Variants in DCHS2 observed in about 807,000 individuals in gnomAD.
The protein encoded by DCHS2 is dachsous cadherin-related 2.
DCHS2 carries 142 observed loss-of-function variants against 182.4 expected under a neutral mutation model. That is an observed-to-expected ratio of 0.78 (90% CI 0.68 to 0.89). The LOEUF (loss-of-function observed/expected upper bound fraction) is 0.89. DCHS2 is among the 40% of genes least tolerant of loss of function. DCHS2 has a pLI of 0.00. For synonymous variants in DCHS2, 1,740 were observed against 1,663.3 expected (o/e 1.05, Z -1.12); for missense variants, 4,319 against 4,198.6 (o/e 1.03, Z -0.79).
At chr4:154,394,090 G>A (rs569113036) in intron 1 of DCHS2, among the ~76,000 whole-genome samples, 11 of 152,216 alleles carry the variant, frequency 7.2e-5, no homozygotes, top group Non-Finnish European at 1.3e-4. Context: ...GTAAAGAGGA[G>A]GTGTGGAGCG....
Position 154,408,135 on chromosome 4 carries a change from T to C in DCHS2, c.2053-30691A>G, listed in dbSNP as rs1277742831. ...ATGAGAAAGTTAATACTAATATAACTTTAAAATTAACTTCTCAATACCTAT... is the reference window on the plus strand; with the variant it reads ...ATGAGAAAGTTAATACTAATATAACCTTAAAATTAACTTCTCAATACCTAT... On this transcript the variant is annotated intron_variant, in intron 1 of 19. Transcript: ENST00000357232. Among the ~76,000 whole-genome samples the C allele has an allele frequency of 2.6e-5, 4 of 152,216 alleles. No homozygotes were observed. The East Asian group carries it at 7.7e-4, about 29-fold the overall frequency.
chr4:154,475,490 C>T (rs1470884964), intron 1 of DCHS2, among the ~76,000 whole-genome samples: 2 of 152,012 alleles, frequency 1.3e-5, no homozygotes, highest in African/African-American at 4.8e-5. Context: ...TTAGTACAGC[C>T]GTATCTTAAA....
intron 1 of DCHS2, among the ~76,000 whole-genome samples, chr4:154,455,056 C>T (rs1317987556): frequency 1.3e-5 from 2 of 152,188 alleles, no homozygotes; most frequent in Non-Finnish European, 2.9e-5. Flanking sequence ...AAGAAAAATG[C>T]ACATATAAAC....
chr4:154,335,465 T>C (rs775941719), intron 3 of DCHS2, among the ~76,000 whole-genome samples: 7 of 152,196 alleles, frequency 4.6e-5, no homozygotes, highest in Non-Finnish European at 7.3e-5. Flanking sequence ...GATAGAAGCA[T>C]TGGCTCTTCC....
chr4:154,411,893 A>G (rs111450012), intron 1 of DCHS2, among the ~76,000 whole-genome samples: 319 of 152,362 alleles, frequency 2.1e-3, no homozygotes, highest in African/African-American at 7.3e-3. Context: ...TTATTTATAG[A>G]AATAAAGAAA....
At chr4:154,344,147 T>C (rs1729246536) in intron 3 of DCHS2, among the ~76,000 whole-genome samples, 1 of 152,088 alleles carries the variant, frequency 6.6e-6, no homozygotes, top group African/African-American at 2.4e-5. Flanking sequence ...GTTTGTGGCA[T>C]CCCCAAACAA....
intron 3 of DCHS2, among the ~76,000 whole-genome samples, chr4:154,341,459 C>CA (rs1426641820): frequency 1.3e-5 from 2 of 151,800 alleles, no homozygotes; most frequent in Non-Finnish European, 2.9e-5. Flanking sequence ...TCTGAAATCT[C>CA]AGTTTTCCGC....
At chr4:154,326,918 C>T (rs937969024) in intron 7 of DCHS2, among the ~76,000 whole-genome samples, 1 of 152,124 alleles carries the variant, frequency 6.6e-6, no homozygotes, top group Admixed American at 6.6e-5. Flanking sequence ...ATCAAAGCCT[C>T]ATTGAACATT....
At chr4:154,330,524 T>C (rs1391789330) in intron 5 of DCHS2, among the ~76,000 whole-genome samples, 1 of 152,112 alleles carries the variant, frequency 6.6e-6, no homozygotes, top group African/African-American at 2.4e-5. Flanking sequence ...AAGCACTCGG[T>C]CCAATAGCCT....
chr4:154,242,677 G>C lies in DCHS2; in HGVS notation c.7037C>G (p.Ala2346Gly), dbSNP rs147944468. Residue 2346 changes from alanine (A) to glycine (G), a missense_variant, in exon 17 of 20, where the codon GCT becomes GGT. Physicochemically the swap from Ala to Gly is moderately conservative, Grantham distance 60. Transcript: ENST00000357232. ...TTCCACTGCTTCAGAGGGGAGAAAA[G>C]CTGGGGCATTGTCATTTATATCAGT... ...QVTDINDNAP[A>G]FLPSEAVEIT... The C allele has an allele frequency of 5.4e-5, 87 of 1,612,896 alleles. No homozygotes were observed. In the African/African-American group the frequency reaches 7.5e-4, roughly 14 times the overall value.
intron 1 of DCHS2, among the ~76,000 whole-genome samples, chr4:154,460,049 A>G (rs192115709): frequency 5.2e-4 from 79 of 152,250 alleles, no homozygotes; most frequent in African/African-American, 1.7e-3. Context: ...TTGTACACAG[A>G]TCACTGGTAC....
At chr4:154,343,526 A>T in intron 3 of DCHS2, 1 of 1,519,886 alleles carries the variant, frequency 6.6e-7, no homozygotes, top group East Asian at 2.5e-5. Flanking sequence ...CTCCATCAGC[A>T]CTTGCTGCTT....
chr4:154,436,956 C>A (rs146122895), intron 1 of DCHS2, among the ~76,000 whole-genome samples: 3 of 152,250 alleles, frequency 2.0e-5, no homozygotes, highest in African/African-American at 7.2e-5. Flanking sequence ...TATAGTATTA[C>A]AATTAATTTC....
chr4:154,326,087 A>G (rs1407447048), intron 7 of DCHS2, among the ~76,000 whole-genome samples: 2 of 152,262 alleles, frequency 1.3e-5, no homozygotes, highest in East Asian at 3.8e-4. Flanking sequence ...CACTCTGCAC[A>G]TATAGAGTTC....
At chr4:154,258,367 CTTTT>C (rs771510956) in intron 15 of DCHS2, among the ~76,000 whole-genome samples, 4 of 58,838 alleles carry the variant, frequency 6.8e-5, no homozygotes, top group Non-Finnish European at 8.6e-5. Context: ...AAAAGAAAGG[CTTTT>C]TTTTTTTTTT....
At chr4:154,411,218 T>C (rs1257828494) in intron 1 of DCHS2, among the ~76,000 whole-genome samples, 1 of 146,512 alleles carries the variant, frequency 6.8e-6, no homozygotes, top group Non-Finnish European at 1.5e-5. Flanking sequence ...AATAAAACAG[T>C]GGTTATCAGG....
chr4:154,457,381 C>T (rs1223680865), intron 1 of DCHS2, among the ~76,000 whole-genome samples: 1 of 152,128 alleles, frequency 6.6e-6, no homozygotes, highest in Non-Finnish European at 1.5e-5. Flanking sequence ...CTTCTTTTAT[C>T]CTATTAACAT....
intron 1 of DCHS2, among the ~76,000 whole-genome samples, chr4:154,453,945 T>C (rs962642159): frequency 3.3e-5 from 5 of 152,142 alleles, no homozygotes; most frequent in African/African-American, 1.2e-4. Context: ...AATTACTTAT[T>C]TTTTAAAGCA....
intron 11 of DCHS2, 78 bp downstream of exon 11, chr4:154,305,019 A>T: frequency 6.6e-7 from 1 of 1,506,126 alleles, no homozygotes; most frequent in Non-Finnish European, 8.8e-7. Flanking sequence ...ACAAAATATA[A>T]CATTTCACCA....
Sources: allele counts gnomAD v4.1 joint callset (sites outside exome capture counted in the v4.1 genomes callset), GRCh38; gene constraint gnomAD v4.1.1; transcripts MANE v1.5; gene names NCBI Gene and HGNC (gene_info 2026-07-23, HGNC 2026-07-21).